Variants in C1orf105 observed in about 807,000 individuals in gnomAD.
C1orf105 encodes uncharacterized protein C1orf105.
A neutral mutation model predicts 20.8 loss-of-function variants in C1orf105; 17 were observed. That is an observed-to-expected ratio of 0.82 (90% confidence interval 0.56 to 1.23). The LOEUF (loss-of-function observed/expected upper bound fraction) is 1.23. Ranked by LOEUF, C1orf105 falls within the 50% of genes most tolerant of loss-of-function variation. The pLI, the probability that C1orf105 is intolerant of heterozygous loss-of-function variation, is 0.00. For synonymous variants in C1orf105, 72 were observed against 72.1 expected (o/e 1.00, Z 0.01); for missense variants, 219 against 213.5 (o/e 1.03, Z -0.16).
intron 6 of C1orf105, among the ~76,000 whole-genome samples, chr1:172,467,743 G>A (rs539135575): frequency 6.6e-6 from 1 of 152,280 alleles, no homozygotes; most frequent in Non-Finnish European, 1.5e-5. Context: ...GCTTGTTCCA[G>A]AGAATTCAGA....
At chr1:172,453,132 A>C (rs751006119) in intron 3 of C1orf105, 73 of 1,550,890 alleles carry the variant, frequency 4.7e-5, no homozygotes, top group Non-Finnish European at 6.2e-5. Flanking sequence ...TCCCTTCTCC[A>C]GATAGAAATG....
intron 1 of C1orf105, chr1:172,442,679 G>T: frequency 6.8e-7 from 1 of 1,460,324 alleles, no homozygotes; most frequent in Non-Finnish European, 9.5e-7. Flanking sequence ...AAGTCCAGGT[G>T]GTTCTTGTTC....
intron 1 of C1orf105, among the ~76,000 whole-genome samples, chr1:172,426,339 G>A (rs2071721732): frequency 6.6e-6 from 1 of 152,016 alleles, no homozygotes; most frequent in Non-Finnish European, 1.5e-5. Context: ...CCCCAGCTTT[G>A]AACCTCATGG....
intron 3 of C1orf105, among the ~76,000 whole-genome samples, chr1:172,448,851 C>T (rs1317108359): frequency 6.6e-6 from 1 of 152,160 alleles, no homozygotes; most frequent in Admixed American, 6.5e-5. Flanking sequence ...TCTGGAGTCT[C>T]TACTGCCTCC....
At chr1:172,464,121 G>A (rs1367084672) in intron 5 of C1orf105, among the ~76,000 whole-genome samples, 6 of 152,128 alleles carry the variant, frequency 3.9e-5, no homozygotes, top group African/African-American at 1.4e-4. Flanking sequence ...AATACTTATT[G>A]AATGAAAAGA....
At chr1:172,467,222 G>T (rs1650130628) in intron 6 of C1orf105, among the ~76,000 whole-genome samples, 1 of 152,142 alleles carries the variant, frequency 6.6e-6, no homozygotes, top group African/African-American at 2.4e-5. Context: ...TTCCACCTGT[G>T]CTGTGTTCCC....
chr1:172,462,255 C>A lies in C1orf105; in HGVS notation c.341+10C>A. On this transcript the variant is annotated intron_variant, in intron 5 of 6. Transcript: ENST00000367727. Reference sequence around the variant, plus strand: ...ATTGTATGAGTTATAGGTAAGTCAACAATTTAAATCAGGACATGACTTAAT... The same window carrying A: ...ATTGTATGAGTTATAGGTAAGTCAAAAATTTAAATCAGGACATGACTTAAT... The A allele has an allele frequency of 6.3e-7, 1 of 1,582,106 alleles. No individual in the cohort carries two copies. Among genetic ancestry groups the A allele is most frequent in the Non-Finnish European group, 8.6e-7 (1 of 1,157,126 alleles).
At chr1:172,440,337 C>T (rs2072179726) in intron 1 of C1orf105, among the ~76,000 whole-genome samples, 1 of 152,188 alleles carries the variant, frequency 6.6e-6, no homozygotes, top group Non-Finnish European at 1.5e-5. Flanking sequence ...TCTTACATGT[C>T]AGCTTAAACA....
intron 2 of C1orf105, among the ~76,000 whole-genome samples, 156 bp downstream of exon 2, chr1:172,445,314 G>GA (rs1647867939): frequency 2.6e-5 from 4 of 152,100 alleles, no homozygotes; most frequent in South Asian, 4.1e-4. Flanking sequence ...GGGTTTCTCA[G>GA]AAAAAAATGA....
chr1:172,444,469 A>G (rs1647746729), intron 1 of C1orf105, among the ~76,000 whole-genome samples: 1 of 152,234 alleles, frequency 6.6e-6, no homozygotes, highest in South Asian at 2.1e-4. Flanking sequence ...CTCATGATAC[A>G]GCCGTGAATG....
At chr1:172,433,954 C>G (rs1252762285) in intron 1 of C1orf105, among the ~76,000 whole-genome samples, 1 of 152,094 alleles carries the variant, frequency 6.6e-6, no homozygotes. Context: ...GGTTACAATC[C>G]TAGTCTCTGA....
intron 1 of C1orf105, chr1:172,431,097 T>G: frequency 3.1e-6 from 2 of 654,532 alleles, no homozygotes; most frequent in Non-Finnish European, 5.5e-6. Context: ...ATTAAGCCAA[T>G]TAATAACCCT....
chr1:172,450,382 C>T (rs1648488491), intron 3 of C1orf105, among the ~76,000 whole-genome samples: 1 of 152,228 alleles, frequency 6.6e-6, no homozygotes, highest in Admixed American at 6.5e-5. Flanking sequence ...TTTCCCGTCA[C>T]ACAGACGTCC....
intron 1 of C1orf105, among the ~76,000 whole-genome samples, chr1:172,426,122 G>GT (rs899474992): frequency 5.9e-5 from 9 of 152,008 alleles, no homozygotes; most frequent in African/African-American, 2.2e-4. Flanking sequence ...AAAATTCCCT[G>GT]TATCTTCAAC....
At chr1:172,427,001 GT>G (rs367897244) in intron 1 of C1orf105, among the ~76,000 whole-genome samples, 102 of 152,278 alleles carry the variant, frequency 6.7e-4, no homozygotes, top group African/African-American at 2.4e-3. Flanking sequence ...AGGATAACTG[GT>G]TTCACTTTAA....
At chr1:172,450,048 C>T (rs1648439963) in intron 3 of C1orf105, among the ~76,000 whole-genome samples, 1 of 152,200 alleles carries the variant, frequency 6.6e-6, no homozygotes, top group African/African-American at 2.4e-5. Flanking sequence ...GGCCATTCTC[C>T]AGCAGGGTAT....
chr1:172,434,165 A>G (rs549931778), intron 1 of C1orf105, among the ~76,000 whole-genome samples: 64 of 152,354 alleles, frequency 4.2e-4, no homozygotes, highest in Non-Finnish European at 7.3e-4. Context: ...GGAGACTTTA[A>G]CACCCCACTG....
At chr1:172,466,061 C>T (rs1650029847) in intron 6 of C1orf105, among the ~76,000 whole-genome samples, 1 of 152,178 alleles carries the variant, frequency 6.6e-6, no homozygotes, top group Admixed American at 6.5e-5. Context: ...TCATTTGATA[C>T]ATACAGTAAA....
intron 1 of C1orf105, chr1:172,442,856 A>G (rs1235858566): frequency 1.2e-5 from 6 of 490,440 alleles, no homozygotes; most frequent in East Asian, 6.8e-5. Flanking sequence ...CTGTGAACCT[A>G]CGAAAGTTGT....
Sources: allele counts gnomAD v4.1 joint callset (sites outside exome capture counted in the v4.1 genomes callset), GRCh38; gene constraint gnomAD v4.1.1; transcripts MANE v1.5; gene names NCBI Gene and HGNC (gene_info 2026-07-23, HGNC 2026-07-21).